The following HMGXB3 variants were observed in gnomAD, a reference collection of about 807,000 sequenced individuals.
HMGXB3 encodes HMG domain-containing protein 3.
In HMGXB3, 45 loss-of-function variants were observed where a neutral mutation model predicts 121.5. That is an observed-to-expected ratio of 0.37 (90% CI 0.29 to 0.47). The LOEUF (loss-of-function observed/expected upper bound fraction) is 0.47. HMGXB3 is among the 20% of genes least tolerant of loss of function. HMGXB3 has a pLI of 0.99. For synonymous variants in HMGXB3, 590 were observed against 624.1 expected (o/e 0.95, Z 0.81); for missense variants, 1,376 against 1,602.2 (o/e 0.86, Z 2.41).
intron 2 of HMGXB3, 62 bp from the exon 3 acceptor site, chr5:150,006,411 G>A: frequency 1.4e-6 from 2 of 1,439,836 alleles, no homozygotes; most frequent in East Asian, 5.0e-5. Context: ...AGTGGGAAGT[G>A]GAGGGATTTC....
Position 150,004,953 on chromosome 5 carries a change from A to G in HMGXB3, c.101A>G (p.Lys34Arg), listed in dbSNP as rs1755661207. The G allele has an allele frequency of 6.4e-7, 1 of 1,551,452 alleles. No homozygotes were observed. Among genetic ancestry groups the G allele is most frequent in the South Asian group, 1.2e-5 (1 of 83,842 alleles). The change falls in exon 2 of 20, where the codon AAG becomes AGG. Residue 34 changes from lysine to arginine, a missense_variant. Lys to Arg is a conservative substitution (Grantham distance 26). Around this residue, in one of 2 missense-constraint regions of HMGXB3, gnomAD observed 1,116 missense variants for 1,369.0 expected, o/e 0.82. Transcript: ENST00000502717. The stretch of plus-strand genomic sequence containing the variant: ...CCTGGGCCACCCAAGAAGAAGAAAA[A>G]GTATAAAATACATGGAGAAAAGACA... ...TSPGPPKKKK[K>R]YKIHGEKTKK...
At chr5:150,031,861 C>CAAGA (rs1170279083) in intron 10 of HMGXB3, among the ~76,000 whole-genome samples, 1 of 152,086 alleles carries the variant, frequency 6.6e-6, no homozygotes, top group Non-Finnish European at 1.5e-5. Flanking sequence ...GAGAATGTGT[C>CAAGA]TCTTATCCTG....
At position 150,028,497 on chromosome 5, in the gene HMGXB3, A is replaced by ATG. The variant is rs1163846771; in HGVS notation, c.1734+1382_1734+1383dup. Among the ~76,000 whole-genome samples, 102 of 66,454 alleles carry ATG rather than the reference A, an allele frequency of 1.5e-3. 1 individual carries two copies. In the South Asian group the frequency reaches 0.016, roughly 10 times the overall value. 43.6% of individuals were successfully genotyped at this position (66,454 alleles called of 152,430 possible). On this transcript the variant is annotated intron_variant, in intron 9 of 19. Transcript: ENST00000502717. ...GTGTTTGATATATATATGTATATAT[A>ATG]TGTATGTATGTGTGTGTGTGTGTGT...
chr5:150,052,146 CAGA>C lies in HMGXB3; in HGVS notation c.3834_3836del (p.Glu1281del). On this transcript the variant is annotated inframe_deletion, in exon 20 of 20. Coordinates refer to ENST00000502717, the MANE Select transcript of HMGXB3 (RefSeq NM_014983.3). ...GGGGTTGCTCAGATCAAGACAGAGACAGAGGAGGAGGGTGAGGAAGAGGAGGTG... is the reference window on the plus strand; with the variant it reads ...GGGGTTGCTCAGATCAAGACAGAGACGGAGGAGGGTGAGGAAGAGGAGGTG... 1 of 1,550,420 alleles carries C rather than the reference CAGA, an allele frequency of 6.4e-7. No homozygotes were observed. Among genetic ancestry groups the C allele is most frequent in the Non-Finnish European group, 8.7e-7 (1 of 1,146,236 alleles).
intron 5 of HMGXB3, 30 bp from the exon 6 acceptor site, chr5:150,018,536 T>C: frequency 6.6e-7 from 1 of 1,506,384 alleles, no homozygotes; most frequent in Non-Finnish European, 8.9e-7. Flanking sequence ...GAGGTTGTTC[T>C]ATTGATTCTG....
At chr5:150,017,128 A>G (rs1378418892) in intron 5 of HMGXB3, among the ~76,000 whole-genome samples, 1 of 152,194 alleles carries the variant, frequency 6.6e-6, no homozygotes, top group African/African-American at 2.4e-5. Flanking sequence ...AAAGTGTTTT[A>G]TGATTAATAC....
In HMGXB3 at chr5:150,041,893, G is replaced by T; in HGVS notation, c.2654G>T (p.Gly885Val). ...CGAGACTACAATGACATGATCTGTG[G>T]CATCTGTGGTGTGGCCCCCAAAGTG... Reference protein sequence around the residue: ...TVRDYNDMICGICGVAPKVEM... With the variant: ...TVRDYNDMICVICGVAPKVEM... Residue 885 changes from glycine to valine, a missense_variant, in exon 15 of 20, where the codon GGC (glycine) becomes GTC (valine). By Grantham distance (109) the Gly-to-Val change is moderately radical. Coordinates refer to ENST00000502717, the MANE Select transcript of HMGXB3 (RefSeq NM_014983.3). 3 of 1,551,744 alleles carry T rather than the reference G, an allele frequency of 1.9e-6. No homozygotes were observed. The highest frequency in any genetic ancestry group is 2.6e-6 in the Non-Finnish European group (3 of 1,146,978).
In HMGXB3 at chr5:150,010,155, A is replaced by C. The variant is rs747968513; in HGVS notation, c.357A>C (p.Pro119=). 205 of 1,551,568 alleles carry C rather than the reference A, an allele frequency of 1.3e-4. No homozygotes were observed. The highest frequency in any genetic ancestry group is 1.6e-4 in the Non-Finnish European group (183 of 1,146,998). ...TGACTGCTGTGGTTCCGGACATCCCAGGTTTCCGCAAGATCCTCCCACGCT... is the reference window on the plus strand; with the variant it reads ...TGACTGCTGTGGTTCCGGACATCCCCGGTTTCCGCAAGATCCTCCCACGCT... ...SALTAVVPDI[P]GFRKILPRSD... The change falls in exon 4 of 20, where the codon CCA becomes CCC. Residue 119 remains proline (P), a synonymous_variant. Transcript: ENST00000502717.
At chr5:150,046,608 C>T (rs866818484) in intron 16 of HMGXB3, among the ~76,000 whole-genome samples, 4 of 151,966 alleles carry the variant, frequency 2.6e-5, no homozygotes, top group South Asian at 2.1e-4. Context: ...GTCAGGAGAT[C>T]GAGACCATCC....
chr5:150,027,282 CTT>C (rs1222830315), intron 9 of HMGXB3, among the ~76,000 whole-genome samples, 165 bp downstream of exon 9: 3 of 152,198 alleles, frequency 2.0e-5, no homozygotes, highest in Admixed American at 6.5e-5. Flanking sequence ...TTTCTTAAAA[CTT>C]AAGTGAATAC....
At chr5:150,051,218 A>G (rs571548429) in intron 19 of HMGXB3, among the ~76,000 whole-genome samples, 1 of 152,346 alleles carries the variant, frequency 6.6e-6, no homozygotes, top group Admixed American at 6.5e-5. Flanking sequence ...GTACCCTCCA[A>G]GGCCAGCAGG....
At chr5:150,007,641 C>T (rs570217262) in intron 3 of HMGXB3, among the ~76,000 whole-genome samples, 1 of 152,316 alleles carries the variant, frequency 6.6e-6, no homozygotes, top group East Asian at 1.9e-4. Context: ...CTACTCTCTG[C>T]TCCCTCCTCT....
chr5:150,006,660 T>G lies in HMGXB3; in HGVS notation c.312+13T>G, dbSNP rs936511436. Reference sequence around the variant, plus strand: ...AGGTTTGGATCCTGTAAGTAATTTTTTTTTCCAGCTATTTTTTCCACTGGT... The same window carrying G: ...AGGTTTGGATCCTGTAAGTAATTTTGTTTTCCAGCTATTTTTTCCACTGGT... On this transcript the variant is annotated intron_variant, in intron 3 of 19. Transcript: ENST00000502717. 1.3e-6 allele frequency: 2 copies of G among 1,549,606 alleles called. No homozygotes were observed. Among genetic ancestry groups the G allele is most frequent in the African/African-American group, 2.7e-5 (2 of 72,858 alleles).
rs1038359707 is a variant in HMGXB3, at chr5:150,027,047, G to A, written c.1664G>A (p.Gly555Asp). 4.5e-6 allele frequency: 7 copies of A among 1,551,588 alleles called. No homozygotes were observed. In the African/African-American group the frequency reaches 8.2e-5, roughly 18 times the overall value. Residue 555 changes from glycine (G) to aspartate (D), a missense_variant, in exon 9 of 20, where the codon GGT becomes GAT. By Grantham distance (94) the Gly-to-Asp change is moderately conservative. Transcript: ENST00000502717. ...AAGACTCCCTCTGTGAGGACTTGTGGTCTGAAGCCAAGCACACTGAAGCAG... is the reference window on the plus strand; with the variant it reads ...AAGACTCCCTCTGTGAGGACTTGTGATCTGAAGCCAAGCACACTGAAGCAG... ...SDKTPSVRTCGLKPSTLKQLG... is the reference protein window; with the variant it reads ...SDKTPSVRTCDLKPSTLKQLG...
chr5:150,002,272 C>T (rs1017364262), intron 1 of HMGXB3, among the ~76,000 whole-genome samples: 16 of 152,038 alleles, frequency 1.1e-4, no homozygotes, highest in African/African-American at 3.9e-4. Flanking sequence ...TTTAAGCTTT[C>T]GCAACATTGT....
intron 9 of HMGXB3, among the ~76,000 whole-genome samples, chr5:150,027,453 C>G (rs1245835476): frequency 2.6e-5 from 4 of 152,166 alleles, no homozygotes; most frequent in Non-Finnish European, 4.4e-5. Context: ...TGTGTGTCCC[C>G]CCACCATATG....
intron 19 of HMGXB3, 79 bp from the exon 20 acceptor site, chr5:150,051,646 C>A: frequency 1.7e-6 from 2 of 1,164,494 alleles, no homozygotes; most frequent in Non-Finnish European, 2.4e-6. Context: ...GCTGGCTGAG[C>A]CTAGAGTGTT....
At chr5:150,045,332 G>A in intron 15 of HMGXB3, 134 bp from the exon 16 acceptor site, 1 of 715,248 alleles carries the variant, frequency 1.4e-6, no homozygotes, top group African/African-American at 1.8e-5. Flanking sequence ...TCAAGGCCCT[G>A]TGGCAGTGCC....
chr5:150,021,876 C>T, intron 6 of HMGXB3: 2 of 510,456 alleles, frequency 3.9e-6, no homozygotes, highest in Non-Finnish European at 7.8e-6. Context: ...CGGTGAATTG[C>T]CACCTCCAGC....
Sources: allele counts gnomAD v4.1 joint callset (sites outside exome capture counted in the v4.1 genomes callset), GRCh38; gene constraint gnomAD v4.1.1; regional missense constraint gnomAD v4.1.1; transcripts MANE v1.5; gene names NCBI Gene and HGNC (gene_info 2026-07-23, HGNC 2026-07-21).